The following USB1 variants were observed in gnomAD, a reference collection of about 807,000 sequenced individuals.
The protein encoded by USB1 is U6 snRNA phosphodiesterase 1.
A neutral mutation model predicts 29.9 loss-of-function variants in USB1; 21 were observed. That is an observed-to-expected ratio of 0.70 (90% CI 0.50 to 1.01). The LOEUF is 1.01. USB1 is among the 50% of genes least tolerant of loss of function. The pLI is 0.00. For synonymous variants in USB1, 143 were observed against 134.9 expected, an observed-to-expected ratio of 1.06 and a Z score of -0.42; for missense variants, 330 against 347.1, an observed-to-expected ratio of 0.95 and a Z score of 0.39.
chr16:58,009,674 G>A (rs1289117579), intron 2 of USB1, among the ~76,000 whole-genome samples: 5 of 150,590 alleles, frequency 3.3e-5, no homozygotes, highest in Non-Finnish European at 7.4e-5. Flanking sequence ...GCAGTGAGCC[G>A]AGATTGCACC....
chr16:58,001,580 C>A lies in USB1; in HGVS notation c.97C>A (p.Arg33Ser). Reference sequence around the variant, plus strand: ...CAGGCCGGGGGATGGGAGCCACCGTCGGTGAGGAGTGAGGAAGTCTCTCCG... The same window carrying A: ...CAGGCCGGGGGATGGGAGCCACCGTAGGTGAGGAGTGAGGAAGTCTCTCCG... Reference protein sequence around the residue: ...RTRPGDGSHRRGQSPLPRQRF... With the variant: ...RTRPGDGSHRSGQSPLPRQRF... Residue 33 changes from arginine to serine, a missense_variant and splice_region_variant, in exon 1 of 7, where the codon CGT becomes AGT. Physicochemically the swap from Arg to Ser is moderately radical, Grantham distance 110. Coordinates refer to ENST00000219281, the MANE Select transcript of USB1 (RefSeq NM_024598.4). 6.2e-7 allele frequency: 1 copy of A among 1,604,646 alleles called. No individual in the cohort carries two copies. Among genetic ancestry groups the A allele is most frequent in the Non-Finnish European group, 8.5e-7 (1 of 1,176,214 alleles).
intron 1 of USB1, among the ~76,000 whole-genome samples, chr16:58,002,018 C>T (rs1423618984): frequency 6.6e-6 from 1 of 152,234 alleles, no homozygotes; most frequent in Non-Finnish European, 1.5e-5. Context: ...ACAAAACCGT[C>T]GGCCTTACTT....
chr16:58,008,107 A>G (rs1212958557), intron 2 of USB1, among the ~76,000 whole-genome samples: 1 of 152,190 alleles, frequency 6.6e-6, no homozygotes, highest in African/African-American at 2.4e-5. Flanking sequence ...TAGGTTATCA[A>G]ATTTGTGGAC....
rs1310822372 is a variant in USB1, at chr16:58,020,724, A to ATCTCTTCCTCTCCTCTC, written c.*502_*518dup. On this transcript the variant is annotated 3_prime_UTR_variant, in exon 7 of 7. Coordinates refer to ENST00000219281, the MANE Select transcript of USB1 (RefSeq NM_024598.4). Reference sequence around the variant, plus strand: ...TGTCCTCTATCTCTTCCCCTCCTCTATCTCTTCCTCTCCTCTCTCTCTTCC... The same window carrying ATCTCTTCCTCTCCTCTC: ...TGTCCTCTATCTCTTCCCCTCCTCTATCTCTTCCTCTCCTCTCTCTCTTCCTCTCCTCTCTCTCTTCC... The ATCTCTTCCTCTCCTCTC allele has an allele frequency of 4.2e-4, 34 of 81,758 alleles. No homozygotes were observed. Among genetic ancestry groups the ATCTCTTCCTCTCCTCTC allele is most frequent in the African/African-American group, 1.6e-3 (24 of 15,062 alleles). 5.1% of individuals were successfully genotyped at this position (81,758 alleles called of 1,614,324 possible).
rs1368012740 is a variant in USB1, at chr16:58,021,403, G to GCCT, written c.*1162_*1164dup. ...CTTCCACAGCCCGGGTTCTCCTGCT[G>GCCT]CCTCCTGCCTGCTGCAGCTGCAGGC... On this transcript the variant is annotated 3_prime_UTR_variant, in exon 7 of 7. Transcript: ENST00000219281. The GCCT allele has an allele frequency of 1.3e-5, 2 of 152,252 alleles. No homozygotes were observed. The allele number at this position is 152,252 out of a possible 1,614,324, so 9.4% of individuals were successfully genotyped here.
In USB1 at chr16:58,012,245, G is replaced by A. The variant is rs890534151; in HGVS notation, c.450-2028G>A. On this transcript the variant is annotated intron_variant, in intron 3 of 6. Transcript: ENST00000219281. ...GGGCTGAAACTCATCTCTCAACCTA[G>A]TCCAGCCCTCCCCCTCTTTGGATTG... is the stretch of plus-strand genomic sequence containing the variant. 3.3e-6 allele frequency: 5 copies of A among 1,532,840 alleles called. No individual in the cohort carries two copies. The African/African-American group carries it at 6.9e-5, about 21-fold the overall frequency. The allele number at this position is 1,532,840 out of a possible 1,614,324, so 95.0% of individuals were successfully genotyped here. A position where few individuals can be genotyped will look rare whatever the true frequency, so the allele number is the denominator to read the frequency against.
upstream of USB1, among the ~76,000 whole-genome samples, chr16:58,001,093 C>G (rs570833137): frequency 6.6e-6 from 1 of 152,098 alleles, no homozygotes; most frequent in Admixed American, 6.5e-5. Context: ...TGGCCGGGCT[C>G]GGGGCAGGCA....
rs896021535 is a variant in USB1 at position 58,001,434 on chromosome 16, C to G, written c.-50C>G. 2.6e-6 allele frequency: 4 copies of G among 1,556,380 alleles called. No homozygotes were observed. The highest frequency in any genetic ancestry group is 1.4e-5 in the African/African-American group (1 of 73,338). Reference sequence around the variant, plus strand: ...TTCCGGCACAGCGGAACTCCGGGTGCCGGTTGAGGTTGCTGGTGGACCTGC... The same window carrying G: ...TTCCGGCACAGCGGAACTCCGGGTGGCGGTTGAGGTTGCTGGTGGACCTGC... On this transcript the variant is annotated 5_prime_UTR_variant, in exon 1 of 7. Coordinates refer to ENST00000219281, the MANE Select transcript of USB1 (RefSeq NM_024598.4).
At chr16:58,012,435 C>G in intron 3 of USB1, 1 of 1,252,166 alleles carries the variant, frequency 8.0e-7, no homozygotes, top group South Asian at 1.3e-5. Context: ...ATGAGTGGAC[C>G]GGGGTGACAA....
intron 3 of USB1, chr16:58,014,006 A>G (rs1319416703): frequency 1.1e-5 from 5 of 441,306 alleles, no homozygotes; most frequent in Non-Finnish European, 1.6e-5. Flanking sequence ...ATAGTCTCAA[A>G]TTGTTTATCG....
Position 58,002,557 on chromosome 16 carries a change from G to A in USB1, c.177G>A (p.Gly59=). 6.2e-7 allele frequency: 1 copy of A among 1,614,116 alleles called. No homozygotes were observed. Among genetic ancestry groups the A allele is most frequent in the Non-Finnish European group, 8.5e-7 (1 of 1,180,040 alleles). ...ACATGTTCCCGGGCACCGAGGAGGG[G>A]CCTGAAGATGACAGCACAAAACACG... ...VLNMFPGTEE[G]PEDDSTKHGG... is the part of the protein sequence containing the mutation. The change falls in exon 2 of 7, where the codon GGG becomes GGA. Residue 59 remains glycine, a synonymous_variant. Transcript: ENST00000219281.
At chr16:58,007,316 T>C (rs1202079689) in intron 2 of USB1, among the ~76,000 whole-genome samples, 3 of 152,210 alleles carry the variant, frequency 2.0e-5, no homozygotes, top group Non-Finnish European at 4.4e-5. Context: ...GGTGGGATTC[T>C]CTAGTGAACC....
At chr16:58,000,687 C>T (rs1378506771), upstream of USB1, among the ~76,000 whole-genome samples, 1 of 147,384 alleles carries the variant, frequency 6.8e-6, no homozygotes, top group Non-Finnish European at 1.5e-5. This position sits in a 1 kb window ranked among gnomAD's most constrained non-coding sequence, Gnocchi z 4.5. Flanking sequence ...GGGCGGGCGG[C>T]GCGGGGGCCA....
chr16:58,004,473 T>C (rs1963306180), intron 2 of USB1, among the ~76,000 whole-genome samples: 1 of 151,918 alleles, frequency 6.6e-6, no homozygotes, highest in Non-Finnish European at 1.5e-5. Flanking sequence ...AGAGATAGGG[T>C]CTCACTATAT....
intron 4 of USB1, chr16:58,017,029 TG>T (rs1597054605): frequency 2.4e-6 from 1 of 409,854 alleles, no homozygotes; most frequent in Non-Finnish European, 4.6e-6. Flanking sequence ...TGATGGAGAA[TG>T]GGGGTGCAGA....
At chr16:58,012,096 A>G (rs1963509903) in intron 3 of USB1, 1 of 1,387,436 alleles carries the variant, frequency 7.2e-7, no homozygotes, top group Non-Finnish European at 9.3e-7. Context: ...TCAGGGGGCC[A>G]TAGGCCCAGG....
intron 5 of USB1, among the ~76,000 whole-genome samples, chr16:58,018,278 G>A (rs1963663548): frequency 6.7e-6 from 1 of 149,012 alleles, no homozygotes; most frequent in African/African-American, 2.5e-5. Context: ...CCATGCTGGA[G>A]TGCAGTGGCG....
At chr16:58,003,438 T>G (rs1963280551) in intron 2 of USB1, among the ~76,000 whole-genome samples, 1 of 152,114 alleles carries the variant, frequency 6.6e-6, no homozygotes, top group African/African-American at 2.4e-5. Context: ...AATAAGACAG[T>G]TTGGTGGCTT....
intron 3 of USB1, chr16:58,012,032 G>A: frequency 1.6e-6 from 2 of 1,222,840 alleles, no homozygotes; most frequent in Admixed American, 4.0e-5. Context: ...CCTGATGTGT[G>A]GCTGTGTAAA....
Sources: allele counts gnomAD v4.1 joint callset (sites outside exome capture counted in the v4.1 genomes callset), GRCh38; gene constraint gnomAD v4.1.1; non-coding constraint Gnocchi (gnomAD v3.1); transcripts MANE v1.5; gene names NCBI Gene and HGNC (gene_info 2026-07-23, HGNC 2026-07-21).